TIAM1: variants seen among roughly 807,000 people sequenced by gnomAD.
TIAM1 encodes the protein rho guanine nucleotide exchange factor TIAM1.
In TIAM1, 65 loss-of-function variants were observed where a neutral mutation model predicts 163.5. The ratio of observed to expected loss-of-function variants is 0.40; its 90% confidence interval spans 0.33 to 0.49. The LOEUF (loss-of-function observed/expected upper bound fraction) is 0.49, where lower values mean the gene tolerates loss of function less well. Among genes scored for constraint, TIAM1 ranks in the 20% least tolerant of loss-of-function variants. The probability of loss-of-function intolerance (pLI) is 0.77; values close to 1 mark genes in which losing one functional copy is unlikely to be tolerated. For synonymous variants in TIAM1, 833 were observed against 810.1 expected (o/e 1.03, Z -0.48); for missense variants, 1,789 against 2,044.7 (o/e 0.87, Z 2.41).
At chr21:31,278,048 T>C (rs1175446117) in intron 2 of TIAM1, among the ~76,000 whole-genome samples, 1 of 152,124 alleles carries the variant, frequency 6.6e-6, no homozygotes, top group Non-Finnish European at 1.5e-5. Context: ...TACAGAATGA[T>C]TCCCATGTCC....
chr21:31,277,383 T>C (rs1012201413), intron 2 of TIAM1, among the ~76,000 whole-genome samples: 1 of 152,200 alleles, frequency 6.6e-6, no homozygotes, highest in Non-Finnish European at 1.5e-5. Flanking sequence ...TGGTGGCTCA[T>C]GCCTGTAATC....
chr21:31,335,748 CTAGAGTTAATA>C (rs2075818732), intron 2 of TIAM1, among the ~76,000 whole-genome samples: 1 of 152,000 alleles, frequency 6.6e-6, no homozygotes, highest in Non-Finnish European at 1.5e-5. Flanking sequence ...TCTCCAAATT[CTAGAGTTAATA>C]TGACCATTAG....
intron 2 of TIAM1, among the ~76,000 whole-genome samples, chr21:31,280,691 A>G (rs564485110): frequency 9.9e-5 from 15 of 152,278 alleles, no homozygotes; most frequent in East Asian, 1.9e-4. Context: ...CACTCCTGTA[A>G]TATTATTTAA....
intron 3 of TIAM1, among the ~76,000 whole-genome samples, chr21:31,275,141 A>G (rs2073240802): frequency 1.3e-5 from 2 of 151,806 alleles, no homozygotes; most frequent in Non-Finnish European, 2.9e-5. Flanking sequence ...AAAAAAAAAA[A>G]GAATATTAAT....
intron 2 of TIAM1, among the ~76,000 whole-genome samples, chr21:31,456,272 T>A (rs1010512140): frequency 3.3e-5 from 5 of 152,226 alleles, no homozygotes; most frequent in African/African-American, 1.2e-4. Flanking sequence ...GCAGGAGAGA[T>A]GGAGGAGGCT....
At chr21:31,308,430 A>G (rs941843069) in intron 2 of TIAM1, among the ~76,000 whole-genome samples, 2 of 150,732 alleles carry the variant, frequency 1.3e-5, no homozygotes, top group Non-Finnish European at 3.0e-5. Context: ...TATATTTAAT[A>G]TTTAACCTGT....
At chr21:31,126,734 G>A (rs2082215260) in intron 26 of TIAM1, among the ~76,000 whole-genome samples, 1 of 152,040 alleles carries the variant, frequency 6.6e-6, no homozygotes. Context: ...TCATGGCGGA[G>A]GGAGAGAATA....
chr21:31,147,064 G>T, intron 19 of TIAM1, 61 bp from the exon 20 acceptor site: 1 of 1,433,842 alleles, frequency 7.0e-7, no homozygotes, highest in South Asian at 1.2e-5. Context: ...AATATCAGCA[G>T]GTTATGGCAG....
intron 23 of TIAM1, among the ~76,000 whole-genome samples, chr21:31,133,588 G>A (rs1445764517): frequency 6.6e-6 from 1 of 152,218 alleles, no homozygotes; most frequent in Non-Finnish European, 1.5e-5. Flanking sequence ...GCATTTTCCT[G>A]AATCACTTAC....
intron 2 of TIAM1, among the ~76,000 whole-genome samples, chr21:31,307,114 A>G (rs1055012636): frequency 6.6e-6 from 1 of 152,236 alleles, no homozygotes; most frequent in African/African-American, 2.4e-5. Context: ...AGGTGAAAAC[A>G]GATATGGATA....
chr21:31,118,541 C>A lies in TIAM1; in HGVS notation c.*1827G>T. On this transcript the variant is annotated 3_prime_UTR_variant, in exon 28 of 28. Coordinates refer to ENST00000541036, the MANE Select transcript of TIAM1 (RefSeq NM_001353694.2). ...TATATAAGAACTTTTGACATAGACA[C>A]GTCATGACCTTATGTACAAGAGACA... 1 of 469,712 alleles carries A rather than the reference C, an allele frequency of 2.1e-6. No homozygotes were observed. The highest frequency in any genetic ancestry group is 1.6e-5 in the South Asian group (1 of 63,870). 29.1% of individuals were successfully genotyped at this position (469,712 alleles called of 1,614,324 possible).
intron 2 of TIAM1, among the ~76,000 whole-genome samples, chr21:31,336,288 T>C (rs2833379): frequency 0.12 from 18,096 of 152,144 alleles, 1,470 homozygotes; most frequent in East Asian, 0.44. Context: ...GAACTACATC[T>C]GAAGTACTGG....
At chr21:31,382,079 T>G (rs986358025) in intron 2 of TIAM1, among the ~76,000 whole-genome samples, 1 of 152,332 alleles carries the variant, frequency 6.6e-6, no homozygotes, top group African/African-American at 2.4e-5. Context: ...AGGAGAGACT[T>G]GTGCAGAAGA....
At chr21:31,384,328 G>A (rs537489683) in intron 2 of TIAM1, among the ~76,000 whole-genome samples, 2 of 146,222 alleles carry the variant, frequency 1.4e-5, no homozygotes, top group African/African-American at 5.1e-5. Flanking sequence ...TCCCTGGGAG[G>A]CCAAAGCAGA....
At chr21:31,200,818 T>C (rs2086158899) in intron 12 of TIAM1, among the ~76,000 whole-genome samples, 2 of 152,178 alleles carry the variant, frequency 1.3e-5, no homozygotes, top group African/African-American at 4.8e-5. Flanking sequence ...GACAAAATAA[T>C]TAAGAACCTT....
chr21:31,460,112 T>TC (rs2045268877), intron 2 of TIAM1, among the ~76,000 whole-genome samples: 1 of 152,126 alleles, frequency 6.6e-6, no homozygotes, highest in Non-Finnish European at 1.5e-5. Flanking sequence ...CGTGGTAGAC[T>TC]CCAACTCCCC....
At chr21:31,252,723 T>C (rs1196168286) in intron 4 of TIAM1, among the ~76,000 whole-genome samples, 1 of 152,218 alleles carries the variant, frequency 6.6e-6, no homozygotes, top group African/African-American at 2.4e-5. Flanking sequence ...ACTGAAAAGA[T>C]AGCTAGTGCA....
At chr21:31,204,786 GCACATTT>G (rs2086365150) in intron 11 of TIAM1, among the ~76,000 whole-genome samples, 1 of 152,168 alleles carries the variant, frequency 6.6e-6, no homozygotes, top group Non-Finnish European at 1.5e-5. Flanking sequence ...TCTTGTAAAA[GCACATTT>G]CCAGAAAGTG....
rs1446745113 is a variant in TIAM1, at chr21:31,430,229, T to A, written c.-369+33754A>T. The stretch of plus-strand genomic sequence containing the variant: ...CTCAAAGAAAAAAAAAAAAAAAATA[T>A]ATATATATATATATATATACACACA... On this transcript the variant is annotated intron_variant, in intron 2 of 28. Coordinates refer to the TIAM1 transcript ENST00000286827. Among the ~76,000 whole-genome samples the A allele has an allele frequency of 8.8e-3, 821 of 92,814 alleles. 7 individuals are homozygous for A. Among genetic ancestry groups the A allele is most frequent in the Non-Finnish European group, 9.7e-3 (522 of 53,786 alleles). 60.9% of individuals were successfully genotyped at this position (92,814 alleles called of 152,430 possible).
Sources: gnomAD v4.1 joint callset for allele counts (sites outside exome capture counted in the v4.1 genomes callset) on GRCh38, gnomAD v4.1.1 for gene constraint, MANE v1.5 for transcripts, NCBI Gene and HGNC (gene_info 2026-07-23, HGNC 2026-07-21) for gene names.